The following RSPH14 variants were observed in gnomAD, a reference collection of about 807,000 sequenced individuals.
RSPH14 encodes the protein rhabdoid tumor deletion region gene 1.
RSPH14 carries 20 observed loss-of-function variants against 26.7 expected under a neutral mutation model. The observed-to-expected ratio is 0.75, with a 90% CI of 0.53 to 1.09. The LOEUF (loss-of-function observed/expected upper bound fraction) is 1.09. RSPH14 is among the 50% of genes least tolerant of loss of function. The pLI is 0.00. For missense variants in RSPH14, 449 were observed against 457.2 expected (o/e 0.98, Z 0.16); for synonymous variants, 177 against 189.3 (o/e 0.93, Z 0.53).
chr22:23,130,083 GGAAGA>G (rs2070289921), intron 4 of RSPH14, among the ~76,000 whole-genome samples: 52 of 29,112 alleles, frequency 1.8e-3, no homozygotes, highest in African/African-American at 4.6e-3. Context: ...AAGAAAGAAA[GGAAGA>G]AAGAAAGAAA....
the RSPH14 span, chr22:23,150,209 T>C: frequency 1.5e-6 from 2 of 1,350,946 alleles, no homozygotes; most frequent in African/African-American, 1.4e-5. Context: ...AATGAGTGCA[T>C]GAAGCACGTG....
intron 5 of RSPH14, 71 bp from the exon 6 acceptor site, chr22:23,062,016 C>G: frequency 1.9e-6 from 3 of 1,569,850 alleles, no homozygotes; most frequent in South Asian, 2.3e-5. Context: ...AGGAGTGCCC[C>G]AGGGAGACAC....
At chr22:23,060,009 A>G (rs2068058452) in intron 6 of RSPH14, among the ~76,000 whole-genome samples, 1 of 152,134 alleles carries the variant, frequency 6.6e-6, no homozygotes, top group Non-Finnish European at 1.5e-5. Context: ...ATGAGATTCC[A>G]TCTCTACAAA....
chr22:23,082,135 CAAA>C (rs77916701), intron 4 of RSPH14, among the ~76,000 whole-genome samples: 4 of 137,538 alleles, frequency 2.9e-5, no homozygotes, highest in East Asian at 4.3e-4. Flanking sequence ...AAAAAAAAAA[CAAA>C]AAAAAAAAAC....
intron 4 of RSPH14, among the ~76,000 whole-genome samples, chr22:23,088,940 C>T (rs1443967203): frequency 6.6e-6 from 1 of 152,336 alleles, no homozygotes; most frequent in East Asian, 1.9e-4. Context: ...TGTGCCTCTC[C>T]CCCAGTCACA....
chr22:23,064,997 T>C (rs2068175036), intron 4 of RSPH14, among the ~76,000 whole-genome samples: 1 of 152,138 alleles, frequency 6.6e-6, no homozygotes, highest in South Asian at 2.1e-4. Flanking sequence ...TGCCCTTCCC[T>C]ACGGCACGCA....
At chr22:23,178,673 A>G in the RSPH14 span, among the ~76,000 whole-genome samples, 1 of 152,238 alleles carries the variant, frequency 6.6e-6, no homozygotes, top group African/African-American at 2.4e-5. Flanking sequence ...ACTGGGGCCC[A>G]TGGGTTTTCC....
chr22:23,069,925 G>A (rs2068296457), intron 4 of RSPH14, among the ~76,000 whole-genome samples: 2 of 152,170 alleles, frequency 1.3e-5, no homozygotes, highest in Non-Finnish European at 1.5e-5. Flanking sequence ...ACAAGAGGCC[G>A]AACTGGGTTT....
chr22:23,139,041 G>C, intron 2 of RSPH14, 99 bp from the exon 3 acceptor site: 3 of 866,170 alleles, frequency 3.5e-6, no homozygotes, highest in Admixed American at 2.5e-5. Context: ...AGTTGGGGCA[G>C]GAATGTACCA....
intron 6 of RSPH14, among the ~76,000 whole-genome samples, chr22:23,061,176 G>GCA (rs1189569561): frequency 6.6e-6 from 1 of 152,186 alleles, no homozygotes; most frequent in Non-Finnish European, 1.5e-5. Context: ...CTCAAAGGAA[G>GCA]CACAGGGCCC....
At chr22:23,166,595 T>C in the RSPH14 span, among the ~76,000 whole-genome samples, 1 of 152,112 alleles carries the variant, frequency 6.6e-6, no homozygotes, top group Non-Finnish European at 1.5e-5. Flanking sequence ...CTCTTTACAA[T>C]TCCCTTACCG....
At chr22:23,149,980 G>A (rs2071008688), upstream of RSPH14, 1 of 1,107,174 alleles carries the variant, frequency 9.0e-7, no homozygotes, top group Non-Finnish European at 1.3e-6. Flanking sequence ...AGGCTGGGAA[G>A]ATCATCTCCC....
At chr22:23,080,006 G>A (rs1818870866) in intron 4 of RSPH14, among the ~76,000 whole-genome samples, 1 of 152,200 alleles carries the variant, frequency 6.6e-6, no homozygotes, top group South Asian at 2.1e-4. Flanking sequence ...GTGAGGGTTT[G>A]ATGGAGTCAG....
At chr22:23,061,384 C>T (rs963491927) in intron 6 of RSPH14, among the ~76,000 whole-genome samples, 17 of 152,080 alleles carry the variant, frequency 1.1e-4, no homozygotes, top group Middle Eastern at 3.2e-3. Flanking sequence ...CTGAATTTGC[C>T]CCCTCCTCCA....
At chr22:23,081,223 T>C (rs1232747267) in intron 4 of RSPH14, among the ~76,000 whole-genome samples, 2 of 152,186 alleles carry the variant, frequency 1.3e-5, no homozygotes, top group Non-Finnish European at 2.9e-5. Flanking sequence ...CTTTGCCACC[T>C]CACTTGTGTT....
the RSPH14 span, chr22:23,180,009 T>C: frequency 1.9e-4 from 65 of 350,034 alleles, no homozygotes; most frequent in East Asian, 1.2e-3. Flanking sequence ...ACACGACGAC[T>C]GGGCAGTGCC....
chr22:23,147,679 G>T (rs1381222514), upstream of RSPH14, among the ~76,000 whole-genome samples: 5 of 152,090 alleles, frequency 3.3e-5, no homozygotes, highest in African/African-American at 1.2e-4. Flanking sequence ...TTCTGGCATG[G>T]GTTTACAATG....
the RSPH14 span, chr22:23,153,098 G>A: frequency 6.8e-5 from 110 of 1,614,110 alleles, no homozygotes; most frequent in Middle Eastern, 5.0e-4. Context: ...GAAATTGAGC[G>A]CTTTGAGATT....
the RSPH14 span, chr22:23,164,157 C>T: frequency 1.3e-5 from 2 of 152,268 alleles, no homozygotes; most frequent in Admixed American, 6.5e-5. Flanking sequence ...CTTCACAGGA[C>T]GGGAGAACCT....
Sources: gnomAD v4.1 joint callset for allele counts (sites outside exome capture counted in the v4.1 genomes callset) on GRCh38, gnomAD v4.1.1 for gene constraint, MANE v1.5 for transcripts, NCBI Gene and HGNC (gene_info 2026-07-23, HGNC 2026-07-21) for gene names.